The following NCBP1 variants were observed in gnomAD, a reference collection of about 807,000 sequenced individuals.
NCBP1 encodes the protein nuclear cap binding protein subunit 1, also known as nuclear cap-binding protein subunit 1.
In NCBP1, 16 loss-of-function variants were observed where a neutral mutation model predicts 111.7. That is an observed-to-expected ratio of 0.14 (90% CI 0.10 to 0.22). NCBP1 has a LOEUF of 0.22. Among genes scored for constraint, NCBP1 ranks in the 10% least tolerant of loss-of-function variants. The pLI is 1.00. For synonymous variants in NCBP1, 304 were observed against 314.3 expected, an observed-to-expected ratio of 0.97 and a Z score of 0.35; for missense variants, 607 against 957.5, an observed-to-expected ratio of 0.63 and a Z score of 4.83.
chr9:97,652,237 C>T (rs950221642), intron 10 of NCBP1, among the ~76,000 whole-genome samples: 4 of 152,190 alleles, frequency 2.6e-5, no homozygotes, highest in Non-Finnish European at 5.9e-5. Flanking sequence ...CTCCTGACCT[C>T]GTGATCTGCC....
intron 14 of NCBP1, among the ~76,000 whole-genome samples, chr9:97,656,610 T>C (rs931374052): frequency 6.6e-6 from 1 of 152,186 alleles, no homozygotes; most frequent in African/African-American, 2.4e-5. Context: ...ATAGAAAAGT[T>C]GGCACAACAT....
Position 97,645,204 on chromosome 9 carries a change from C to G in NCBP1, c.469C>G (p.Gln157Glu). 6.2e-7 allele frequency: 1 copy of G among 1,612,780 alleles called. No homozygotes were observed. The highest frequency in any genetic ancestry group is 8.5e-7 in the Non-Finnish European group (1 of 1,179,008). Reference sequence around the variant, plus strand: ...GTTTGAAAATTTTGTAAGCGTAACTCAGGAAGAAGATGTACCTCAGGTAAG... The same window carrying G: ...GTTTGAAAATTTTGTAAGCGTAACTGAGGAAGAAGATGTACCTCAGGTAAG... The part of the protein sequence containing the change: ...AMFENFVSVT[Q>E]EEDVPQVRRD... The change falls in exon 5 of 23, where the codon CAG becomes GAG. Residue 157 changes from glutamine (Q) to glutamate (E), a missense_variant. Around this residue, in one of 9 missense-constraint regions of NCBP1, gnomAD observed 185 missense variants for 272.0 expected, o/e 0.68. Transcript: ENST00000375147.
Position 97,666,286 on chromosome 9 carries a change from A to G in NCBP1, c.1902-477A>G, listed in dbSNP as rs1384105047. Among the ~76,000 whole-genome samples the G allele has an allele frequency of 2.0e-5, 3 of 152,234 alleles. No homozygotes were observed. The East Asian group carries it at 5.8e-4, about 29-fold the overall frequency. On this transcript the variant is annotated intron_variant, in intron 19 of 22. Transcript: ENST00000375147. ...GCCCATCAGTTGATACCTATTATCA[A>G]CTAATGAGTTTCTTAAACATTCCAA...
chr9:97,648,300 C>G (rs751763205), intron 8 of NCBP1, 77 bp downstream of exon 8: 1 of 1,323,476 alleles, frequency 7.6e-7, no homozygotes, highest in African/African-American at 1.5e-5. Flanking sequence ...TTGAATTATG[C>G]CTGTGGTATG....
chr9:97,646,839 CAA>C (rs1199961668), intron 6 of NCBP1, among the ~76,000 whole-genome samples: 1,063 of 55,634 alleles, frequency 0.019, 17 homozygotes, highest in East Asian at 0.19. Context: ...GACTCCGTCT[CAA>C]AAAAAAAAAA....
rs1827628663 is a variant in NCBP1 at position 97,655,586 on chromosome 9, C to T, written c.1236-116C>T. ...ATACAACTGCATGTAGGGGAATATGCTTTTCATTAACTCTGTAAAGTCGGG... is the reference window on the plus strand; with the variant it reads ...ATACAACTGCATGTAGGGGAATATGTTTTTCATTAACTCTGTAAAGTCGGG... On this transcript the variant is annotated intron_variant, in intron 12 of 22. Coordinates refer to ENST00000375147, the MANE Select transcript of NCBP1 (RefSeq NM_002486.5). 4 of 721,592 alleles carry T rather than the reference C, an allele frequency of 5.5e-6. No individual in the cohort carries two copies. In the East Asian group the frequency reaches 8.2e-5, roughly 15 times the overall value. 44.7% of individuals were successfully genotyped at this position (721,592 alleles called of 1,614,324 possible). A position where few individuals can be genotyped will look rare whatever the true frequency, so the allele number is the denominator to read the frequency against.
intron 11 of NCBP1, 73 bp downstream of exon 11, chr9:97,653,981 T>G: frequency 7.4e-7 from 1 of 1,342,366 alleles, no homozygotes; most frequent in Non-Finnish European, 1.0e-6. Flanking sequence ...TTTCTGCTTG[T>G]GGGTTTAAAT....
chr9:97,637,563 G>T (rs1466497100), intron 1 of NCBP1, among the ~76,000 whole-genome samples: 1 of 152,042 alleles, frequency 6.6e-6, no homozygotes, highest in Non-Finnish European at 1.5e-5. Context: ...CTTAACTAAA[G>T]AAAAAAATAG....
intron 14 of NCBP1, among the ~76,000 whole-genome samples, chr9:97,658,394 T>C (rs1827733672): frequency 1.3e-5 from 2 of 152,208 alleles, no homozygotes; most frequent in Admixed American, 6.5e-5. Flanking sequence ...TCACCCCACA[T>C]ACTTGGCCAC....
chr9:97,634,745 A>G (rs1432712538), intron 1 of NCBP1: 1 of 152,262 alleles, frequency 6.6e-6, no homozygotes, highest in Non-Finnish European at 1.5e-5. Context: ...TTCTATTGTT[A>G]ACATTTTAGT....
At chr9:97,643,636 T>G (rs970263328) in intron 4 of NCBP1, among the ~76,000 whole-genome samples, 11 of 152,250 alleles carry the variant, frequency 7.2e-5, no homozygotes, top group Admixed American at 2.0e-4. Context: ...ACCTCCTTTT[T>G]TCTGCCCTCT....
chr9:97,664,244 CCCT>C (rs911504903), intron 18 of NCBP1, 93 bp from the exon 19 acceptor site: 17 of 693,212 alleles, frequency 2.5e-5, no homozygotes, highest in Admixed American at 1.3e-4. Flanking sequence ...AATTTTATAG[CCCT>C]CCTATTTTAC....
chr9:97,647,330 A>C (rs1564020580), intron 6 of NCBP1, among the ~76,000 whole-genome samples, 162 bp from the exon 7 acceptor site: 1 of 152,200 alleles, frequency 6.6e-6, no homozygotes, highest in Non-Finnish European at 1.5e-5. Context: ...CTTGACCTGC[A>C]TCTTGATGAT....
intron 10 of NCBP1, among the ~76,000 whole-genome samples, chr9:97,653,082 AT>A (rs1827543454): frequency 7.3e-6 from 1 of 137,412 alleles, no homozygotes; most frequent in African/African-American, 2.8e-5. Flanking sequence ...GAATGACTTG[AT>A]TTTCTTGTTT....
intron 19 of NCBP1, among the ~76,000 whole-genome samples, chr9:97,665,755 A>ACCCAC (rs1827980765): frequency 2.7e-5 from 2 of 74,434 alleles, no homozygotes; most frequent in African/African-American, 5.0e-5. Context: ...ACTTCGCCCC[A>ACCCAC]CCCACCCCAC....
At position 97,650,485 on chromosome 9, in the gene NCBP1, A is replaced by G; in HGVS notation, c.898-18A>G. On this transcript the variant is annotated intron_variant, in intron 8 of 22. Coordinates refer to ENST00000375147, the MANE Select transcript of NCBP1 (RefSeq NM_002486.5). ...TGTTTTCTAGGCCTGTAGTGTACAC[A>G]TTTGGTTTTCTTTCCAGGGTCCTGT... is the stretch of plus-strand genomic sequence containing the variant. 1 of 1,586,938 alleles carries G rather than the reference A, an allele frequency of 6.3e-7. No individual in the cohort carries two copies. The highest frequency in any genetic ancestry group is 8.6e-7 in the Non-Finnish European group (1 of 1,156,238).
rs962050500 is a variant in NCBP1, at chr9:97,634,921, C to T, written c.34+1006C>T. Among the ~76,000 whole-genome samples the T allele has an allele frequency of 2.0e-5, 3 of 152,084 alleles. 1 individual carries two copies. The highest frequency in any genetic ancestry group is 4.4e-5 in the Non-Finnish European group (3 of 68,026). On this transcript the variant is annotated intron_variant, in intron 1 of 22. Transcript: ENST00000375147. ...AATACAGAAGTAATGATATTTATAT[C>T]TTCTGGTTTTTGTGAAGGTTAAATG...
chr9:97,644,800 T>C (rs1296776160), intron 4 of NCBP1, among the ~76,000 whole-genome samples: 1 of 152,212 alleles, frequency 6.6e-6, no homozygotes, highest in Admixed American at 6.5e-5. Flanking sequence ...AATTCTGCCA[T>C]TGTAGCACAA....
At chr9:97,634,755 T>C (rs1381421404) in intron 1 of NCBP1, 2 of 152,216 alleles carry the variant, frequency 1.3e-5, no homozygotes. Context: ...AACATTTTAG[T>C]GTATTGTTTT....
Sources: gnomAD v4.1 joint callset for allele counts (sites outside exome capture counted in the v4.1 genomes callset) on GRCh38, gnomAD v4.1.1 for gene constraint, gnomAD v4.1.1 regional missense constraint, MANE v1.5 for transcripts, NCBI Gene and HGNC (gene_info 2026-07-23, HGNC 2026-07-21) for gene names.